The following HUWE1 variants were observed in gnomAD, a reference collection of about 807,000 sequenced individuals.
The protein encoded by HUWE1 is E3 ubiquitin-protein ligase HUWE1.
In HUWE1, 18 loss-of-function variants were observed where a neutral mutation model predicts 299.4. That is an observed-to-expected ratio of 0.06 (90% CI 0.04 to 0.09). The LOEUF is 0.09. HUWE1 is among the 10% of genes least tolerant of loss of function. The pLI, the probability that HUWE1 is intolerant of heterozygous loss-of-function variation, is 1.00. For synonymous variants in HUWE1, 1,317 were observed against 1,286.1 expected (o/e 1.02, Z -0.51); for missense variants, 1,832 against 3,462.3 (o/e 0.53, Z 11.82).
At chrX:53,535,682 G>C (rs1418790352) in intron 80 of HUWE1, among the ~76,000 whole-genome samples, 181 bp from the exon 81 acceptor site, 1 of 111,681 alleles carries the variant, frequency 9.0e-6, no homozygotes, top group Non-Finnish European at 1.9e-5. Flanking sequence ...GAAAGGCTTT[G>C]GGTAGGAAAG....
intron 72 of HUWE1, among the ~76,000 whole-genome samples, chrX:53,544,340 TCCACTCCCCCTTAATTC>T (rs1464370142): frequency 9.0e-6 from 1 of 111,636 alleles, no homozygotes; most frequent in Non-Finnish European, 1.9e-5. Flanking sequence ...CTGCCAGATT[TCCACTCCCCCTTAATTC>T]CCACTCCCCC....
intron 50 of HUWE1, 68 bp from the exon 51 acceptor site, chrX:53,564,790 G>T: frequency 8.6e-7 from 1 of 1,167,457 alleles, no homozygotes; most frequent in South Asian, 1.8e-5. Context: ...TGAGGCAAGC[G>T]CAAAGACAAT....
intron 49 of HUWE1, among the ~76,000 whole-genome samples, chrX:53,566,104 T>C (rs2062523177): frequency 4.3e-5 from 2 of 46,006 alleles, no homozygotes; most frequent in Non-Finnish European, 8.1e-5. Flanking sequence ...TGTATGTATG[T>C]ATGTATGTAT....
At chrX:53,578,913 G>GC (rs2063410647) in intron 43 of HUWE1, among the ~76,000 whole-genome samples, 3 of 71,613 alleles carry the variant, frequency 4.2e-5, no homozygotes, top group African/African-American at 1.1e-4. Flanking sequence ...GGGGGGATCA[G>GC]CCCCCCGCCT....
At chrX:53,655,739 G>A (rs1199433912) in intron 3 of HUWE1, among the ~76,000 whole-genome samples, 1 of 111,446 alleles carries the variant, frequency 9.0e-6, no homozygotes, top group African/African-American at 3.3e-5. Context: ...CATTTGCAGG[G>A]AGGCTATTAA....
intron 29 of HUWE1, among the ~76,000 whole-genome samples, chrX:53,595,713 T>TA (rs782064713): frequency 6.3e-5 from 7 of 111,861 alleles, no homozygotes; most frequent in Non-Finnish European, 1.1e-4. Context: ...TAGTGGATGA[T>TA]AAAGTCACTT....
chrX:53,668,772 A>G (rs782758954), intron 3 of HUWE1, among the ~76,000 whole-genome samples: 1 of 112,442 alleles, frequency 8.9e-6, no homozygotes, highest in Non-Finnish European at 1.9e-5. Flanking sequence ...ATACAGATAT[A>G]TAAATCTGAT....
chrX:53,678,116 A>G (rs934078560), intron 3 of HUWE1, among the ~76,000 whole-genome samples: 3 of 112,337 alleles, frequency 2.7e-5, no homozygotes, highest in Non-Finnish European at 3.8e-5. Flanking sequence ...AACTTTCTGT[A>G]AAATCACATT....
Position 53,565,048 on chromosome X carries a change from A to G in HUWE1, c.6880+19T>C. 8.3e-7 allele frequency: 1 copy of G among 1,203,157 alleles called. No homozygotes were observed. Among genetic ancestry groups the G allele is most frequent in the Non-Finnish European group, 1.1e-6 (1 of 887,860 alleles). On this transcript the variant is annotated intron_variant, in intron 50 of 83. Transcript: ENST00000262854. ...GCAACTACTCCCACCTCTCCAGTCC[A>G]TTGGCTCTGATTCCCTACCTGGGTC...
chrX:53,596,754 C>A lies in HUWE1; in HGVS notation c.3164-1351G>T, dbSNP rs988190856. Among the ~76,000 whole-genome samples, 5 of 112,363 alleles carry A rather than the reference C, an allele frequency of 4.4e-5. No homozygotes were observed. In the East Asian group the frequency reaches 1.4e-3, roughly 31 times the overall value. ...GAATAAACCTGGGTCACTCTATGACCCCATATGAAGTGTCACTAGTGACGT... is the reference window on the plus strand; with the variant it reads ...GAATAAACCTGGGTCACTCTATGACACCATATGAAGTGTCACTAGTGACGT... On this transcript the variant is annotated intron_variant, in intron 29 of 83. Coordinates refer to ENST00000262854, the MANE Select transcript of HUWE1 (RefSeq NM_031407.7).
intron 3 of HUWE1, among the ~76,000 whole-genome samples, chrX:53,658,117 CATTTAT>C (rs1416802149): frequency 4.9e-5 from 5 of 102,283 alleles, no homozygotes; most frequent in Non-Finnish European, 1.0e-4. Flanking sequence ...AAATAAAAAA[CATTTAT>C]ATTAGCACCC....
intron 3 of HUWE1, among the ~76,000 whole-genome samples, chrX:53,665,443 T>A (rs2069201128): frequency 8.9e-6 from 1 of 111,990 alleles, no homozygotes; most frequent in African/African-American, 3.2e-5. Flanking sequence ...AAGGAAAATA[T>A]GGGCAGGGAG....
At chrX:53,683,634 G>A (rs1557054392) in intron 2 of HUWE1, among the ~76,000 whole-genome samples, 2 of 111,840 alleles carry the variant, frequency 1.8e-5, no homozygotes. Context: ...CCCAGGAAAT[G>A]GTGTCGCCTC....
intron 63 of HUWE1, among the ~76,000 whole-genome samples, chrX:53,551,797 G>T (rs894588862): frequency 2.7e-5 from 3 of 111,597 alleles, no homozygotes; most frequent in African/African-American, 9.8e-5. Flanking sequence ...ACAGGCACGA[G>T]CCACCGCGCC....
intron 29 of HUWE1, among the ~76,000 whole-genome samples, chrX:53,599,472 G>T (rs1189389103): frequency 1.8e-5 from 2 of 111,222 alleles, no homozygotes; most frequent in East Asian, 2.8e-4. Context: ...ACACAAATAG[G>T]TTCCCAAACA....
chrX:53,645,106 A>T (rs1305255433), intron 7 of HUWE1, among the ~76,000 whole-genome samples: 4 of 112,364 alleles, frequency 3.6e-5, no homozygotes, highest in Non-Finnish European at 7.5e-5. Flanking sequence ...TTGTTTGGTG[A>T]GCAGAGATTA....
At chrX:53,663,428 G>A (rs1232509361) in intron 3 of HUWE1, among the ~76,000 whole-genome samples, 1 of 110,988 alleles carries the variant, frequency 9.0e-6, no homozygotes, top group African/African-American at 3.3e-5. Flanking sequence ...CAGGAGAATC[G>A]CTTAAACCCG....
intron 40 of HUWE1, 36 bp from the exon 41 acceptor site, chrX:53,584,381 C>G: frequency 8.8e-7 from 1 of 1,131,346 alleles, no homozygotes. Context: ...AAACCTCTAC[C>G]AAAAATGAAT....
intron 19 of HUWE1, among the ~76,000 whole-genome samples, chrX:53,621,928 G>C (rs985241995): frequency 4.5e-5 from 5 of 111,977 alleles, no homozygotes; most frequent in African/African-American, 1.6e-4. Context: ...AAACAGACCC[G>C]AACAGATAAC....
Sources: allele counts gnomAD v4.1 joint callset (sites outside exome capture counted in the v4.1 genomes callset), GRCh38; gene constraint gnomAD v4.1.1; transcripts MANE v1.5; gene names NCBI Gene and HGNC (gene_info 2026-07-23, HGNC 2026-07-21).